SHROOM3: variants seen among roughly 807,000 people sequenced by gnomAD.
The protein encoded by SHROOM3 is shroom family member 3.
A neutral mutation model predicts 138.6 loss-of-function variants in SHROOM3; 47 were observed. The observed-to-expected ratio is 0.34, with a 90% confidence interval of 0.27 to 0.43. The LOEUF (loss-of-function observed/expected upper bound fraction) is 0.43, where lower values mean the gene tolerates loss of function less well. SHROOM3 is among the 20% of genes least tolerant of loss of function. SHROOM3 has a pLI of 1.00. For synonymous variants in SHROOM3, 1,062 were observed against 1,063.3 expected (o/e 1.00, Z 0.02); for missense variants, 2,491 against 2,596.5 (o/e 0.96, Z 0.88).
intron 1 of SHROOM3, among the ~76,000 whole-genome samples, chr4:76,533,379 C>G (rs1276852467): frequency 6.6e-6 from 1 of 152,124 alleles, no homozygotes; most frequent in African/African-American, 2.4e-5. Flanking sequence ...ATTTAAAAAC[C>G]TAAAGGAAGA....
At position 76,608,626 on chromosome 4, in the gene SHROOM3, T is replaced by TATAGCATAGCATAGCATAGC. The variant is rs1303852174; in HGVS notation, c.323+52885_323+52904dup. Among the ~76,000 whole-genome samples the TATAGCATAGCATAGCATAGC allele has an allele frequency of 2.6e-4, 26 of 100,892 alleles. 3 individuals are homozygous for TATAGCATAGCATAGCATAGC. The highest frequency in any genetic ancestry group is 1.1e-3 in the African/African-American group (24 of 21,426). 66.2% of individuals were successfully genotyped at this position (100,892 alleles called of 152,430 possible). On this transcript the variant is annotated intron_variant, in intron 2 of 10. Transcript: ENST00000296043. ...ATAGCATAGCATTGGACAGAGATGGTATAGCATAGCATAGCATAGCATAGC... is the reference window on the plus strand; with the variant it reads ...ATAGCATAGCATTGGACAGAGATGGTATAGCATAGCATAGCATAGCATAGCATAGCATAGCATAGCATAGC...
rs532986570 is a variant in SHROOM3, at chr4:76,485,129, G to A, written c.168+48909G>A. Among the ~76,000 whole-genome samples, 243 of 152,314 alleles carry A rather than the reference G, an allele frequency of 1.6e-3. No individual in the cohort carries two copies. The Middle Eastern group carries it at 0.02, about 13-fold the overall frequency. ...GATTATCTCAAGATTCAGAAGCTGC[G>A]ATGTTAAATTAGGGGTCAACTGTCC... On this transcript the variant is annotated intron_variant, in intron 1 of 10. Coordinates refer to ENST00000296043, the MANE Select transcript of SHROOM3 (RefSeq NM_020859.4).
chr4:76,741,643 C>T lies in SHROOM3; in HGVS notation c.3470C>T (p.Pro1157Leu), dbSNP rs1386581943. ...CCCCGCAGGGAGGCCACGCTCCTGCCGGCCACAGTTGCAGAAACCCAGCAG... is the reference window on the plus strand; with the variant it reads ...CCCCGCAGGGAGGCCACGCTCCTGCTGGCCACAGTTGCAGAAACCCAGCAG... ...LQPRREATLL[P>L]ATVAETQQAP... Residue 1157 changes from proline to leucine, a missense_variant, in exon 5 of 11, where the codon CCG (proline) becomes CTG (leucine). Transcript: ENST00000296043. This position sits in a 1 kb window ranked among gnomAD's most constrained non-coding sequence, Gnocchi z 6.2. 10 of 1,544,986 alleles carry T rather than the reference C, an allele frequency of 6.5e-6. No individual in the cohort carries two copies. Among genetic ancestry groups the T allele is most frequent in the African/African-American group, 1.4e-5 (1 of 73,386 alleles).
At chr4:76,478,612 C>T (rs929614282) in intron 1 of SHROOM3, among the ~76,000 whole-genome samples, 36 of 152,290 alleles carry the variant, frequency 2.4e-4, no homozygotes, top group African/African-American at 7.0e-4. Flanking sequence ...TCTCCCAGCA[C>T]GGTGCTCGAG....
intron 2 of SHROOM3, among the ~76,000 whole-genome samples, chr4:76,601,778 A>G (rs1734511426): frequency 6.6e-6 from 1 of 152,200 alleles, no homozygotes; most frequent in African/African-American, 2.4e-5. Context: ...AAGTGCTGGG[A>G]TTACAGGTGT....
intron 2 of SHROOM3, among the ~76,000 whole-genome samples, chr4:76,626,063 T>A (rs984329083): frequency 6.6e-6 from 1 of 152,232 alleles, no homozygotes; most frequent in African/African-American, 2.4e-5. Flanking sequence ...TGTGGTGTTT[T>A]ATAACTCTGC....
chr4:76,464,823 T>C (rs1279890349), intron 1 of SHROOM3, among the ~76,000 whole-genome samples: 1 of 152,184 alleles, frequency 6.6e-6, no homozygotes, highest in Admixed American at 6.5e-5. Context: ...TTGCTTCCCC[T>C]TCACCTTTTG....
intron 1 of SHROOM3, among the ~76,000 whole-genome samples, chr4:76,528,969 C>G (rs942560192): frequency 3.5e-4 from 54 of 152,198 alleles, no homozygotes; most frequent in African/African-American, 1.3e-3. Flanking sequence ...TGTGAGGAGG[C>G]CTCCTCTGAG....
At chr4:76,547,124 T>A (rs1733237653) in intron 1 of SHROOM3, among the ~76,000 whole-genome samples, 1 of 152,174 alleles carries the variant, frequency 6.6e-6, no homozygotes, top group African/African-American at 2.4e-5. Context: ...GATTTTAGGA[T>A]CCCTGAAAGA....
chr4:76,775,907 T>C (rs1007999587), intron 10 of SHROOM3, among the ~76,000 whole-genome samples: 6 of 151,880 alleles, frequency 4.0e-5, no homozygotes, highest in African/African-American at 7.2e-5. Flanking sequence ...GTTCCCTTTT[T>C]TGCAGTTGCA....
chr4:76,600,012 G>A (rs1258106031), intron 2 of SHROOM3, among the ~76,000 whole-genome samples: 1 of 152,106 alleles, frequency 6.6e-6, no homozygotes, highest in African/African-American at 2.4e-5. Flanking sequence ...TTAGCCAGGT[G>A]TGGTGGCACA....
chr4:76,729,042 A>G (rs1293803260), intron 3 of SHROOM3, among the ~76,000 whole-genome samples: 2 of 152,200 alleles, frequency 1.3e-5, no homozygotes, highest in Non-Finnish European at 2.9e-5. Context: ...CTTATTAGTA[A>G]TGAATGATGG....
chr4:76,741,208 C>T lies in SHROOM3; in HGVS notation c.3035C>T (p.Thr1012Ile). Residue 1012 changes from threonine (T) to isoleucine (I), a missense_variant, in exon 5 of 11, where the codon ACT (threonine) becomes ATT (isoleucine). By Grantham distance (89) the Thr-to-Ile change is moderately conservative (BLOSUM62 -1). Coordinates refer to ENST00000296043, the MANE Select transcript of SHROOM3 (RefSeq NM_020859.4). The surrounding 1 kb of genome is among the most constrained non-coding windows in gnomAD (Gnocchi z 6.2). ...CGGAGAGGTGCTCGCCGGCGCCTGA[C>T]TCCCGAGCAGAAGAAGCGCTCCTAC... ...AARRGARRRL[T>I]PEQKKRSYSE... 1 of 1,606,962 alleles carries T rather than the reference C, an allele frequency of 6.2e-7. No individual in the cohort carries two copies. Among genetic ancestry groups the T allele is most frequent in the Non-Finnish European group, 8.5e-7 (1 of 1,177,472 alleles).
chr4:76,589,493 C>T (rs1164895267), intron 2 of SHROOM3, among the ~76,000 whole-genome samples: 1 of 149,196 alleles, frequency 6.7e-6, no homozygotes, highest in Non-Finnish European at 1.5e-5. Flanking sequence ...AGAAAAAAGA[C>T]TCCTGGCATC....
chr4:76,741,610 G>C lies in SHROOM3; in HGVS notation c.3437G>C (p.Ser1146Thr). The C allele has an allele frequency of 6.5e-7, 1 of 1,540,026 alleles. No individual in the cohort carries two copies. The highest frequency in any genetic ancestry group is 1.2e-5 in the South Asian group (1 of 84,214). The change falls in exon 5 of 11, where the codon AGC becomes ACC. Residue 1146 changes from serine (S) to threonine (T), a missense_variant. Ser to Thr is a moderately conservative substitution (Grantham distance 58, BLOSUM62 1). Coordinates refer to ENST00000296043, the MANE Select transcript of SHROOM3 (RefSeq NM_020859.4). This position sits in a 1 kb window ranked among gnomAD's most constrained non-coding sequence, Gnocchi z 6.2. ...ASSLSSLREP[S>T]LQPRREATLL... is the part of the protein sequence containing the mutation. ...AGCTTGAGCTCACTGCGGGAGCCCA[G>C]CCTGCAGCCCCGCAGGGAGGCCACG...
Position 76,740,661 on chromosome 4 carries a change from G to A in SHROOM3, c.2488G>A (p.Ala830Thr), listed in dbSNP as rs769404870. Reference protein sequence around the residue: ...TSGNDFEETKAHIRFSESAEP... With the variant: ...TSGNDFEETKTHIRFSESAEP... ...TGGGAATGACTTCGAGGAGACAAAA[G>A]CACACATTCGTTTCTCTGAGTCAGC... Residue 830 changes from alanine (A) to threonine (T), a missense_variant, in exon 5 of 11, where the codon GCA (alanine) becomes ACA (threonine). Ala to Thr is a moderately conservative substitution (Grantham distance 58). Around this residue, in one of 4 missense-constraint regions of SHROOM3, gnomAD observed 1,733 missense variants for 1,661.6 expected, o/e 1.04. Coordinates refer to ENST00000296043, the MANE Select transcript of SHROOM3 (RefSeq NM_020859.4). This position sits in a 1 kb window ranked among gnomAD's most constrained non-coding sequence, Gnocchi z 4.0. The A allele has an allele frequency of 1.9e-6, 3 of 1,614,178 alleles. No individual in the cohort carries two copies. Among genetic ancestry groups the A allele is most frequent in the East Asian group, 2.2e-5 (1 of 44,884 alleles).
intron 2 of SHROOM3, among the ~76,000 whole-genome samples, chr4:76,671,892 C>G (rs553323804): frequency 6.6e-6 from 1 of 152,076 alleles, no homozygotes; most frequent in Non-Finnish European, 1.5e-5. Context: ...CTGAGCATCC[C>G]TTATCCAAAA....
intron 1 of SHROOM3, among the ~76,000 whole-genome samples, chr4:76,476,413 C>T (rs551632879): frequency 6.6e-6 from 1 of 152,186 alleles, no homozygotes; most frequent in Admixed American, 6.5e-5. Context: ...AATGCTCATA[C>T]ATTCATTATT....
chr4:76,541,751 T>C lies in SHROOM3; in HGVS notation c.169-13858T>C, dbSNP rs76149932. ...AGAAACTAGTTTGGGGCTGGAACTGTCTCCCATGCCCTTTCTAAGATCTGA... is the reference window on the plus strand; with the variant it reads ...AGAAACTAGTTTGGGGCTGGAACTGCCTCCCATGCCCTTTCTAAGATCTGA... On this transcript the variant is annotated intron_variant, in intron 1 of 10. Transcript: ENST00000296043. 6.9e-3 allele frequency among the ~76,000 whole-genome samples: 1,050 copies of C among 152,214 alleles called. 13 individuals are homozygous for C. The highest frequency in any genetic ancestry group is 0.024 in the African/African-American group (1,016 of 41,528).
Sources: gnomAD v4.1 joint callset for allele counts (sites outside exome capture counted in the v4.1 genomes callset) on GRCh38, gnomAD v4.1.1 for gene constraint, gnomAD v4.1.1 regional missense constraint, Gnocchi (gnomAD v3.1) non-coding constraint, MANE v1.5 for transcripts, NCBI Gene and HGNC (gene_info 2026-07-23, HGNC 2026-07-21) for gene names.